Variants in KCNIP3 observed in about 807,000 individuals in gnomAD.
KCNIP3 encodes the protein potassium voltage-gated channel interacting protein 3, also known as calsenilin.
In KCNIP3, 28 loss-of-function variants were observed where a neutral mutation model predicts 35.0. That is an observed-to-expected ratio of 0.80 (90% CI 0.59 to 1.10). KCNIP3 has a LOEUF of 1.10. Ranked by LOEUF, KCNIP3 falls within the 50% of genes least tolerant of loss-of-function variation. The pLI is 0.00. For missense variants in KCNIP3, 295 were observed against 338.4 expected, an observed-to-expected ratio of 0.87 and a Z score of 1.01; for synonymous variants, 134 against 133.8, an observed-to-expected ratio of 1.00 and a Z score of -0.01.
At chr2:95,297,784 G>A (rs1677908894) in intron 1 of KCNIP3, among the ~76,000 whole-genome samples, 1 of 152,124 alleles carries the variant, frequency 6.6e-6, no homozygotes, top group Admixed American at 6.5e-5. Context: ...CTTGGGGTCA[G>A]CCCACGACTC....
chr2:95,327,203 A>C (rs547586917), intron 2 of KCNIP3, among the ~76,000 whole-genome samples: 2 of 152,254 alleles, frequency 1.3e-5, no homozygotes, highest in East Asian at 3.9e-4. Flanking sequence ...GCGAGTCCTG[A>C]TGATGGTGCC....
At chr2:95,333,703 A>T (rs1678989578) in intron 2 of KCNIP3, among the ~76,000 whole-genome samples, 1 of 152,314 alleles carries the variant, frequency 6.6e-6, no homozygotes, top group South Asian at 2.1e-4. Context: ...GGCACATGGT[A>T]AGCAGCAATG....
At position 95,378,885 on chromosome 2, in the gene KCNIP3, T is replaced by TACAC. The variant is rs35062339; in HGVS notation, c.448-2701_448-2698dup. ...ATATATACACACACACACATATATATACACACACACACATATATATATATA... is the reference window on the plus strand; with the variant it reads ...ATATATACACACACACACATATATATACACACACACACACACATATATATATATA... On this transcript the variant is annotated intron_variant, in intron 5 of 8. Coordinates refer to ENST00000295225, the MANE Select transcript of KCNIP3 (RefSeq NM_013434.5). This position sits in a 1 kb window ranked among gnomAD's most constrained non-coding sequence, Gnocchi z 4.0. 4.6e-3 allele frequency among the ~76,000 whole-genome samples: 697 copies of TACAC among 150,608 alleles called. 6 individuals carry two copies. Among genetic ancestry groups the TACAC allele is most frequent in the African/African-American group, 0.016 (650 of 40,782 alleles).
chr2:95,354,173 G>GC (rs1285462689), intron 2 of KCNIP3, among the ~76,000 whole-genome samples: 1 of 152,182 alleles, frequency 6.6e-6, no homozygotes, highest in Non-Finnish European at 1.5e-5. Flanking sequence ...CCCTCTCCCT[G>GC]CCCCCTCAGG....
At chr2:95,379,926 T>G (rs2104306189) in intron 5 of KCNIP3, among the ~76,000 whole-genome samples, 1 of 152,346 alleles carries the variant, frequency 6.6e-6, no homozygotes. Context: ...TTTCATGCAT[T>G]GTGCCAAGCC....
intron 2 of KCNIP3, among the ~76,000 whole-genome samples, chr2:95,359,745 G>A (rs1403561316): frequency 1.3e-5 from 2 of 152,266 alleles, no homozygotes; most frequent in South Asian, 2.1e-4. Flanking sequence ...CTGTGTGCCT[G>A]CAGAATTAGC....
chr2:95,318,798 C>T (rs759168993), intron 2 of KCNIP3, among the ~76,000 whole-genome samples: 3 of 152,150 alleles, frequency 2.0e-5, no homozygotes, highest in East Asian at 1.9e-4. Flanking sequence ...TGTGGGGACG[C>T]GGAGGAGAGT....
At chr2:95,326,086 T>C (rs1460152772) in intron 2 of KCNIP3, among the ~76,000 whole-genome samples, 1 of 69,904 alleles carries the variant, frequency 1.4e-5, no homozygotes, top group Admixed American at 1.2e-4. Flanking sequence ...AACACACTCA[T>C]ATACACATAC....
At chr2:95,317,785 C>T (rs1191056295) in intron 2 of KCNIP3, among the ~76,000 whole-genome samples, 2 of 152,144 alleles carry the variant, frequency 1.3e-5, no homozygotes, top group Non-Finnish European at 2.9e-5. Context: ...GTACCGCCTG[C>T]ACAGTGGCAG....
chr2:95,327,298 C>A (rs1294229097), intron 2 of KCNIP3, among the ~76,000 whole-genome samples: 1 of 152,216 alleles, frequency 6.6e-6, no homozygotes, highest in African/African-American at 2.4e-5. Context: ...TGTCCCCTTG[C>A]ACTTAGGGAT....
At chr2:95,350,412 C>T (rs1330246330) in intron 2 of KCNIP3, among the ~76,000 whole-genome samples, 2 of 152,184 alleles carry the variant, frequency 1.3e-5, no homozygotes, top group Non-Finnish European at 2.9e-5. Flanking sequence ...CACCCTGTGC[C>T]TAGAACAGTG....
chr2:95,343,562 C>A (rs186399364), intron 2 of KCNIP3, among the ~76,000 whole-genome samples: 48 of 152,246 alleles, frequency 3.2e-4, no homozygotes, highest in Non-Finnish European at 3.5e-4. Context: ...CAGGAGACCT[C>A]ATGAAATCCC....
intron 1 of KCNIP3, among the ~76,000 whole-genome samples, chr2:95,301,318 G>T (rs746770120): frequency 6.6e-6 from 1 of 152,240 alleles, no homozygotes; most frequent in African/African-American, 2.4e-5. Flanking sequence ...ATGTCCATGG[G>T]TCTTGCGCAG....
rs1305043975 is a variant in KCNIP3, at chr2:95,382,286, G to A, written c.556-91G>A. 2 of 713,388 alleles carry A rather than the reference G, an allele frequency of 2.8e-6. No individual in the cohort carries two copies. Among genetic ancestry groups the A allele is most frequent in the East Asian group, 3.0e-5 (1 of 33,436 alleles). 44.2% of individuals were successfully genotyped at this position (713,388 alleles called of 1,614,324 possible). A position where few individuals can be genotyped will look rare whatever the true frequency, so the allele number is the denominator to read the frequency against. On this transcript the variant is annotated intron_variant, in intron 6 of 8. Transcript: ENST00000295225. The surrounding 1 kb of genome is among the most constrained non-coding windows in gnomAD (Gnocchi z 4.5). ...GCCCCTCGCACTCACTGCCTTGGAG[G>A]TGCCCTGCACCCTTGGATGCCGCCC...
At chr2:95,299,199 A>C (rs191540519) in intron 1 of KCNIP3, 1 of 152,332 alleles carries the variant, frequency 6.6e-6, no homozygotes, top group African/African-American at 2.4e-5. Flanking sequence ...CACTGTCCTT[A>C]TGTCTGCTGG....
In KCNIP3 at chr2:95,375,276, C is replaced by T. The variant is rs1373562018; in HGVS notation, c.447+68C>T. The T allele has an allele frequency of 1.1e-5, 16 of 1,425,802 alleles. No homozygotes were observed. In the East Asian group the frequency reaches 2.5e-4, roughly 22 times the overall value. 88.3% of individuals were successfully genotyped at this position (1,425,802 alleles called of 1,614,324 possible). A position where few individuals can be genotyped will look rare whatever the true frequency, so the allele number is the denominator to read the frequency against. On this transcript the variant is annotated intron_variant, in intron 5 of 8. Coordinates refer to ENST00000295225, the MANE Select transcript of KCNIP3 (RefSeq NM_013434.5). ...TTGCAGGAGTGAATCCTTACCCTGGCGTCACTGTCAGGGCTGTCGAGAGAG... is the reference window on the plus strand; with the variant it reads ...TTGCAGGAGTGAATCCTTACCCTGGTGTCACTGTCAGGGCTGTCGAGAGAG...
intron 2 of KCNIP3, among the ~76,000 whole-genome samples, chr2:95,338,347 G>A (rs1679112533): frequency 6.6e-6 from 1 of 152,206 alleles, no homozygotes; most frequent in Middle Eastern, 3.2e-3. Flanking sequence ...CTCAAGCAAT[G>A]AGAAATCCAG....
chr2:95,374,827 G>C, intron 3 of KCNIP3, 21 bp from the exon 4 acceptor site: 1 of 1,612,268 alleles, frequency 6.2e-7, no homozygotes, highest in South Asian at 1.1e-5. Flanking sequence ...CGAGGGCTGA[G>C]GGGGTGCCTT....
chr2:95,346,492 G>A (rs1000043347), intron 2 of KCNIP3, among the ~76,000 whole-genome samples: 6 of 149,936 alleles, frequency 4.0e-5, no homozygotes, highest in South Asian at 2.1e-4. Flanking sequence ...AGGCGCGGGG[G>A]GGCCGCAGGG....
Sources: allele counts gnomAD v4.1 joint callset (sites outside exome capture counted in the v4.1 genomes callset), GRCh38; gene constraint gnomAD v4.1.1; non-coding constraint Gnocchi (gnomAD v3.1); transcripts MANE v1.5; gene names NCBI Gene and HGNC (gene_info 2026-07-23, HGNC 2026-07-21).